ZFYVE9: variants seen among roughly 807,000 people sequenced by gnomAD.
ZFYVE9 encodes the protein zinc finger FYVE-type containing 9.
In ZFYVE9, 43 loss-of-function variants were observed where a neutral mutation model predicts 126.7. That is an observed-to-expected ratio of 0.34 (90% confidence interval 0.27 to 0.44). The LOEUF (loss-of-function observed/expected upper bound fraction) is 0.44, where lower values mean the gene tolerates loss of function less well. ZFYVE9 is among the 20% of genes least tolerant of loss of function. The pLI is 1.00. For missense variants in ZFYVE9, 1,476 were observed against 1,697.0 expected (o/e 0.87, Z 2.29); for synonymous variants, 521 against 597.4 (o/e 0.87, Z 1.87).
rs1367008963 is a variant in ZFYVE9 at position 52,142,170 on chromosome 1, C to T, written c.-376C>T. On this transcript the variant is annotated 5_prime_UTR_variant, in exon 1 of 19. Transcript: ENST00000287727. This position sits in a 1 kb window ranked among gnomAD's most constrained non-coding sequence, Gnocchi z 4.5. Reference sequence around the variant, plus strand: ...CCGCAGCCTTGCGCCCCCGGCCCGGCTCGGCGGCGCTCCTCCGGGATCCGC... The same window carrying T: ...CCGCAGCCTTGCGCCCCCGGCCCGGTTCGGCGGCGCTCCTCCGGGATCCGC... 2 of 151,444 alleles carry T rather than the reference C, an allele frequency of 1.3e-5. No individual in the cohort carries two copies. Among genetic ancestry groups the T allele is most frequent in the African/African-American group, 2.4e-5 (1 of 41,358 alleles). 9.4% of individuals were successfully genotyped at this position (151,444 alleles called of 1,614,324 possible).
At chr1:52,332,438 G>A (rs777785471) in intron 13 of ZFYVE9, among the ~76,000 whole-genome samples, 14 of 152,256 alleles carry the variant, frequency 9.2e-5, no homozygotes, top group Admixed American at 2.0e-4. Flanking sequence ...TATATCCTCA[G>A]AGAATCCAGT....
In ZFYVE9 at chr1:52,178,274, A is replaced by G. The variant is rs1472834358; in HGVS notation, c.-143+35871A>G. 3.4e-5 allele frequency among the ~76,000 whole-genome samples: 4 copies of G among 115,992 alleles called. No individual in the cohort carries two copies. The East Asian group carries it at 7.8e-4, about 23-fold the overall frequency. 76.1% of individuals were successfully genotyped at this position (115,992 alleles called of 152,430 possible). On this transcript the variant is annotated intron_variant, in intron 1 of 18. Transcript: ENST00000287727. ...AGCCTGGGTGACAGAGCAAGACTCC[A>G]TCTCAAAAAAAAAAAAAAAAAAAAA...
At chr1:52,227,666 C>A (rs1177917166) in intron 2 of ZFYVE9, among the ~76,000 whole-genome samples, 1 of 152,178 alleles carries the variant, frequency 6.6e-6, no homozygotes, top group African/African-American at 2.4e-5. Flanking sequence ...TAAAGGCAAA[C>A]CCTAGTATGT....
intron 1 of ZFYVE9, chr1:52,160,413 C>T: frequency 1.9e-6 from 2 of 1,062,076 alleles, no homozygotes; most frequent in Non-Finnish European, 3.0e-6. Flanking sequence ...ACACTTTCTA[C>T]ATTCTTCCAT....
chr1:52,180,803 C>G (rs1644692051), intron 1 of ZFYVE9, among the ~76,000 whole-genome samples: 1 of 151,742 alleles, frequency 6.6e-6, no homozygotes, highest in South Asian at 2.1e-4. Flanking sequence ...TGGAGAAACC[C>G]TGTCTCCACT....
intron 17 of ZFYVE9, among the ~76,000 whole-genome samples, chr1:52,344,279 T>C (rs1011322029): frequency 2.0e-5 from 3 of 152,174 alleles, no homozygotes; most frequent in African/African-American, 7.2e-5. Context: ...GATGCCAGGC[T>C]CAGCCTGGCT....
intron 2 of ZFYVE9, among the ~76,000 whole-genome samples, chr1:52,218,046 G>A (rs550956236): frequency 1.4e-4 from 22 of 152,270 alleles, no homozygotes; most frequent in South Asian, 4.2e-4. Context: ...CGAACCTGGC[G>A]GCTATTTGGT....
chr1:52,210,197 C>G (rs901670978), intron 1 of ZFYVE9, among the ~76,000 whole-genome samples: 1 of 152,130 alleles, frequency 6.6e-6, no homozygotes. Context: ...CATTAAGGAG[C>G]TGGCTGCTAG....
intron 10 of ZFYVE9, among the ~76,000 whole-genome samples, chr1:52,292,475 T>C (rs946404557): frequency 2.8e-5 from 4 of 143,544 alleles, no homozygotes; most frequent in South Asian, 2.3e-4. Flanking sequence ...ATTTCTTTTT[T>C]TTTTTTTTTT....
intron 9 of ZFYVE9, among the ~76,000 whole-genome samples, chr1:52,279,096 A>G (rs932907396): frequency 2.6e-5 from 4 of 152,088 alleles, no homozygotes; most frequent in Non-Finnish European, 5.9e-5. Context: ...AAAATGATAT[A>G]TCCCAGAGGA....
chr1:52,167,738 A>G (rs1644526833), intron 1 of ZFYVE9, among the ~76,000 whole-genome samples: 1 of 152,136 alleles, frequency 6.6e-6, no homozygotes, highest in South Asian at 2.1e-4. Flanking sequence ...TTGATTCTGC[A>G]TATCCAAACA....
At chr1:52,196,405 G>A (rs905577415) in intron 1 of ZFYVE9, among the ~76,000 whole-genome samples, 5 of 152,164 alleles carry the variant, frequency 3.3e-5, no homozygotes, top group Admixed American at 6.5e-5. Flanking sequence ...GGAGGCCAAG[G>A]TGGGTGGATC....
chr1:52,188,492 T>C (rs2124551741), intron 1 of ZFYVE9, among the ~76,000 whole-genome samples: 1 of 152,318 alleles, frequency 6.6e-6, no homozygotes, highest in East Asian at 1.9e-4. Context: ...GTTAAAAAAT[T>C]TTTAAAATAA....
rs144560315 is a variant in ZFYVE9 at position 52,329,922 on chromosome 1, A to G, written c.3439-2846A>G. 3.8e-3 allele frequency among the ~76,000 whole-genome samples: 577 copies of G among 152,118 alleles called. 1 individual carries two copies. Among genetic ancestry groups the G allele is most frequent in the Non-Finnish European group, 5.9e-3 (401 of 67,984 alleles). ...TGTCTCAAAAACAAAACAAAAAAAA[A>G]TTCTTCCGTGTCAACAGCAAAGACA... On this transcript the variant is annotated intron_variant, in intron 13 of 18. Coordinates refer to ENST00000287727, the MANE Select transcript of ZFYVE9 (RefSeq NM_004799.4).
intron 1 of ZFYVE9, among the ~76,000 whole-genome samples, chr1:52,210,535 A>G (rs1235607854): frequency 1.3e-5 from 2 of 152,192 alleles, no homozygotes; most frequent in East Asian, 1.9e-4. Flanking sequence ...TTTGGAGACT[A>G]TCAGATTACT....
At chr1:52,160,735 G>T in intron 1 of ZFYVE9, 2 of 397,394 alleles carry the variant, frequency 5.0e-6, no homozygotes, top group Non-Finnish European at 9.0e-6. Flanking sequence ...TTTCTAAGTT[G>T]CTTTGATTCT....
At chr1:52,203,330 C>A (rs985986841) in intron 1 of ZFYVE9, among the ~76,000 whole-genome samples, 5 of 151,922 alleles carry the variant, frequency 3.3e-5, no homozygotes, top group African/African-American at 1.2e-4. Flanking sequence ...TACAGGCTTG[C>A]GCCACTACCG....
At chr1:52,263,517 C>A (rs959585967) in intron 4 of ZFYVE9, among the ~76,000 whole-genome samples, 1 of 152,116 alleles carries the variant, frequency 6.6e-6, no homozygotes, top group Admixed American at 6.6e-5. Context: ...TTCCCCACTG[C>A]TGTATATTTG....
intron 2 of ZFYVE9, among the ~76,000 whole-genome samples, chr1:52,220,485 C>G (rs1645113976): frequency 6.6e-6 from 1 of 152,154 alleles, no homozygotes; most frequent in Non-Finnish European, 1.5e-5. Flanking sequence ...TCAGTTTAAT[C>G]AACTTGGATG....
Sources: gnomAD v4.1 joint callset for allele counts (sites outside exome capture counted in the v4.1 genomes callset) on GRCh38, gnomAD v4.1.1 for gene constraint, Gnocchi (gnomAD v3.1) non-coding constraint, MANE v1.5 for transcripts, NCBI Gene and HGNC (gene_info 2026-07-23, HGNC 2026-07-21) for gene names.